IQCH: variants seen among roughly 807,000 people sequenced by gnomAD.
IQCH encodes IQ motif containing H, also known as IQ domain-containing protein H.
Under a neutral mutation model 117.0 loss-of-function variants are expected in IQCH, and 98 were observed. The ratio of observed to expected loss-of-function variants is 0.84; its 90% CI spans 0.71 to 0.99. The LOEUF (loss-of-function observed/expected upper bound fraction) is 0.99, where lower values mean the gene tolerates loss of function less well. Ranked by LOEUF, IQCH falls within the 50% of genes least tolerant of loss-of-function variation. The pLI is 0.00. For missense variants in IQCH, 1,102 were observed against 1,243.8 expected (o/e 0.89, Z 1.72); for synonymous variants, 412 against 448.2 (o/e 0.92, Z 1.02).
At position 67,494,669 on chromosome 15, in the gene IQCH, A is replaced by G. The variant is rs565438736; in HGVS notation, c.2970+303A>G. On this transcript the variant is annotated intron_variant, in intron 20 of 20. Coordinates refer to ENST00000335894, the MANE Select transcript of IQCH (RefSeq NM_001031715.3). The surrounding 1 kb of genome is among the most constrained non-coding windows in gnomAD (Gnocchi z 5.5). ...GTCTGAAATGTCACAATGGAACCAA[A>G]ACAGAGATCGTCACAACCAAAAATT... is the stretch of plus-strand genomic sequence containing the variant. Among the ~76,000 whole-genome samples the G allele has an allele frequency of 2.0e-5, 3 of 152,338 alleles. No individual in the cohort carries two copies. Among genetic ancestry groups the G allele is most frequent in the African/African-American group, 7.2e-5 (3 of 41,574 alleles).
At chr15:67,334,274 C>T (rs9920981) in intron 4 of IQCH, among the ~76,000 whole-genome samples, 151,567 of 152,252 alleles carry the variant, frequency 1, 75,449 homozygotes, top group Middle Eastern at 1. Flanking sequence ...GCAGATGATA[C>T]TTGAATCCTT....
intron 4 of IQCH, among the ~76,000 whole-genome samples, chr15:67,289,984 C>G (rs1966697400): frequency 6.6e-6 from 1 of 152,124 alleles, no homozygotes; most frequent in Non-Finnish European, 1.5e-5. Context: ...ACATCACGTG[C>G]AGCATCATGA....
rs926835605 is a variant in IQCH at position 67,465,996 on chromosome 15, T to C, written c.2676+699T>C. 9.9e-5 allele frequency among the ~76,000 whole-genome samples: 15 copies of C among 152,198 alleles called. No homozygotes were observed. Among genetic ancestry groups the C allele is most frequent in the Admixed American group, 7.9e-4 (12 of 15,286 alleles). On this transcript the variant is annotated intron_variant, in intron 17 of 20. Coordinates refer to ENST00000335894, the MANE Select transcript of IQCH (RefSeq NM_001031715.3). This position sits in a 1 kb window ranked among gnomAD's most constrained non-coding sequence, Gnocchi z 5.9. Reference sequence around the variant, plus strand: ...AAGGTGAAAAGCCAGTCTGAGCATGTTGTTCCCCTGTGTGTGATTTTGAAT... The same window carrying C: ...AAGGTGAAAAGCCAGTCTGAGCATGCTGTTCCCCTGTGTGTGATTTTGAAT...
intron 6 of IQCH, among the ~76,000 whole-genome samples, chr15:67,349,679 T>C (rs1969567702): frequency 6.6e-6 from 1 of 151,198 alleles, no homozygotes; most frequent in Non-Finnish European, 1.5e-5. Flanking sequence ...TAACTGATCA[T>C]GTATTTTTAT....
chr15:67,304,489 T>C, intron 4 of IQCH: 1 of 1,041,162 alleles, frequency 9.6e-7, no homozygotes. Context: ...AGCTCTTATT[T>C]TTTTAAGAAA....
rs1337021074 is a variant in IQCH, at chr15:67,411,045, C to G, written c.2098-5886C>G. Among the ~76,000 whole-genome samples the G allele has an allele frequency of 6.6e-6, 1 of 152,170 alleles. No homozygotes were observed. The highest frequency in any genetic ancestry group is 1.9e-4 in the East Asian group (1 of 5,194). On this transcript the variant is annotated intron_variant, in intron 14 of 20. Transcript: ENST00000335894. This position sits in a 1 kb window ranked among gnomAD's most constrained non-coding sequence, Gnocchi z 4.4. ...ACCCCCACCCCACCCCTGCACATGCCTACCATATGGTGAGCTTTTAATTAT... is the reference window on the plus strand; with the variant it reads ...ACCCCCACCCCACCCCTGCACATGCGTACCATATGGTGAGCTTTTAATTAT...
At chr15:67,281,818 TA>T (rs1246732810) in intron 4 of IQCH, 68 of 452,812 alleles carry the variant, frequency 1.5e-4, no homozygotes, top group African/African-American at 1.3e-3. Flanking sequence ...GGATTCTGCA[TA>T]AATGTTTGTT....
intron 4 of IQCH, among the ~76,000 whole-genome samples, chr15:67,329,516 G>C (rs772867173): frequency 1.2e-4 from 18 of 152,094 alleles, no homozygotes; most frequent in Non-Finnish European, 2.1e-4. Context: ...CTGTCACTCA[G>C]GCTGGAATGT....
At chr15:67,380,917 T>C (rs1451817100) in intron 10 of IQCH, among the ~76,000 whole-genome samples, 1 of 152,222 alleles carries the variant, frequency 6.6e-6, no homozygotes, top group Non-Finnish European at 1.5e-5. Context: ...TACTACTTGG[T>C]AATCAGGAGT....
chr15:67,345,511 C>A (rs1969348471), intron 6 of IQCH, among the ~76,000 whole-genome samples: 1 of 152,126 alleles, frequency 6.6e-6, no homozygotes, highest in Admixed American at 6.6e-5. Context: ...ATATCATGTG[C>A]CCCCTAATAT....
chr15:67,280,457 T>A (rs1350692494), intron 4 of IQCH, among the ~76,000 whole-genome samples: 1 of 152,238 alleles, frequency 6.6e-6, no homozygotes. Flanking sequence ...TGCCGGCAGA[T>A]CCGGTGTCTG....
rs1307718336 is a variant in IQCH, at chr15:67,432,195, G to T, written c.2505+10618G>T. Among the ~76,000 whole-genome samples the T allele has an allele frequency of 6.6e-6, 1 of 152,130 alleles. No homozygotes were observed. The highest frequency in any genetic ancestry group is 1.5e-5 in the Non-Finnish European group (1 of 68,028). ...GAATTGATATGAAAACTAGCTATTGGAGAGTAGTAATGGCCCTTCCAAAAC... is the reference window on the plus strand; with the variant it reads ...GAATTGATATGAAAACTAGCTATTGTAGAGTAGTAATGGCCCTTCCAAAAC... On this transcript the variant is annotated intron_variant, in intron 16 of 20. Transcript: ENST00000335894. This position sits in a 1 kb window ranked among gnomAD's most constrained non-coding sequence, Gnocchi z 5.0.
At position 67,475,300 on chromosome 15, in the gene IQCH, A is replaced by AC. The variant is rs1364366454; in HGVS notation, c.2677-392dup. ...AGACCAGCCTGGGCAACATAGTGAGACCCCTGTCTCTACAAAAAAATAATA... is the reference window on the plus strand; with the variant it reads ...AGACCAGCCTGGGCAACATAGTGAGACCCCCTGTCTCTACAAAAAAATAATA... On this transcript the variant is annotated intron_variant, in intron 17 of 20. Coordinates refer to ENST00000335894, the MANE Select transcript of IQCH (RefSeq NM_001031715.3). The surrounding 1 kb of genome is among the most constrained non-coding windows in gnomAD (Gnocchi z 5.7). Among the ~76,000 whole-genome samples the AC allele has an allele frequency of 1.3e-5, 2 of 151,972 alleles. No homozygotes were observed. The highest frequency in any genetic ancestry group is 2.9e-5 in the Non-Finnish European group (2 of 67,992).
rs1971831076 is a variant in IQCH, at chr15:67,405,009, C to T, written c.2097+4704C>T. On this transcript the variant is annotated intron_variant, in intron 14 of 20. Coordinates refer to ENST00000335894, the MANE Select transcript of IQCH (RefSeq NM_001031715.3). The surrounding 1 kb of genome is among the most constrained non-coding windows in gnomAD (Gnocchi z 4.8). Reference sequence around the variant, plus strand: ...AATACTAGTTTTACCACAACCTTACCACCAATGGATATTATGAACTATTTG... The same window carrying T: ...AATACTAGTTTTACCACAACCTTACTACCAATGGATATTATGAACTATTTG... 6.6e-6 allele frequency: 1 copy of T among 152,148 alleles called. No homozygotes were observed. Among genetic ancestry groups the T allele is most frequent in the Admixed American group, 6.5e-5 (1 of 15,286 alleles). The allele number at this position is 152,148 out of a possible 1,614,324, so 9.4% of individuals were successfully genotyped here.
In IQCH at chr15:67,500,648, A is replaced by T. The variant is rs777445991; in HGVS notation, c.2986A>T (p.Ile996Phe). ...ETNFKTTIAD[I>F]ETILRVTKEN... Reference sequence around the variant, plus strand: ...TTATTTACAGACCACCATTGCTGATATTGAAACTATTCTAAGAGTAACAAA... The same window carrying T: ...TTATTTACAGACCACCATTGCTGATTTTGAAACTATTCTAAGAGTAACAAA... Residue 996 changes from isoleucine (I) to phenylalanine (F), a missense_variant, in exon 21 of 21, where the codon ATT becomes TTT. Physicochemically the swap from Ile to Phe is conservative, Grantham distance 21. This residue lies in a region of IQCH where 650 missense variants were observed against 794.3 expected (regional missense o/e 0.82). Coordinates refer to ENST00000335894, the MANE Select transcript of IQCH (RefSeq NM_001031715.3). This position sits in a 1 kb window ranked among gnomAD's most constrained non-coding sequence, Gnocchi z 4.4. The T allele has an allele frequency of 1.3e-6, 2 of 1,560,454 alleles. No individual in the cohort carries two copies. Among genetic ancestry groups the T allele is most frequent in the Non-Finnish European group, 1.8e-6 (2 of 1,134,810 alleles).
At chr15:67,319,037 C>G (rs1245833909) in intron 4 of IQCH, among the ~76,000 whole-genome samples, 1 of 152,108 alleles carries the variant, frequency 6.6e-6, no homozygotes, top group Non-Finnish European at 1.5e-5. Context: ...ACCATCCTGG[C>G]GAACATGGTG....
chr15:67,358,487 C>T (rs1384850510), intron 7 of IQCH, among the ~76,000 whole-genome samples: 1 of 152,152 alleles, frequency 6.6e-6, no homozygotes, highest in Non-Finnish European at 1.5e-5. Context: ...TAAGCCACCA[C>T]ACCGGGCCAA....
chr15:67,323,686 A>C (rs1186648165), intron 4 of IQCH, among the ~76,000 whole-genome samples: 1 of 152,114 alleles, frequency 6.6e-6, no homozygotes, highest in Non-Finnish European at 1.5e-5. Context: ...TTTGGAGTTA[A>C]TATTGCACCA....
At chr15:67,286,077 A>G (rs2140490197) in intron 4 of IQCH, among the ~76,000 whole-genome samples, 1 of 152,306 alleles carries the variant, frequency 6.6e-6, no homozygotes, top group African/African-American at 2.4e-5. Context: ...AACATGGAAT[A>G]TCTTTCCCTT....
Sources: allele counts gnomAD v4.1 joint callset (sites outside exome capture counted in the v4.1 genomes callset), GRCh38; gene constraint gnomAD v4.1.1; regional missense constraint gnomAD v4.1.1; non-coding constraint Gnocchi (gnomAD v3.1); transcripts MANE v1.5; gene names NCBI Gene and HGNC (gene_info 2026-07-23, HGNC 2026-07-21).